Variants in SLC35D1 observed in about 807,000 individuals in gnomAD.
SLC35D1 encodes the protein nucleotide sugar transporter SLC35D1.
Under a neutral mutation model 46.7 loss-of-function variants are expected in SLC35D1, and 31 were observed. The ratio of observed to expected loss-of-function variants is 0.66; its 90% CI spans 0.50 to 0.90. The LOEUF (loss-of-function observed/expected upper bound fraction) is 0.90. SLC35D1 is among the 40% of genes least tolerant of loss of function. The pLI is 0.00. For synonymous variants in SLC35D1, 195 were observed against 164.6 expected (o/e 1.18, Z -1.41); for missense variants, 397 against 426.2 (o/e 0.93, Z 0.60).
chr1:67,047,678 T>C (rs1383734182), intron 6 of SLC35D1, among the ~76,000 whole-genome samples: 2 of 149,844 alleles, frequency 1.3e-5, no homozygotes, highest in African/African-American at 5.1e-5. Flanking sequence ...ATTAAGTACA[T>C]CTGTGAAGCA....
In SLC35D1 at chr1:67,003,105, A is replaced by G. The variant is rs1436043127; in HGVS notation, c.*1235T>C. 3 of 152,402 alleles carry G rather than the reference A, an allele frequency of 2.0e-5. No homozygotes were observed. The highest frequency in any genetic ancestry group is 7.2e-5 in the African/African-American group (3 of 41,462). 9.4% of individuals were successfully genotyped at this position (152,402 alleles called of 1,614,324 possible). The stretch of plus-strand genomic sequence containing the variant: ...GGGAAGTTTGCTCATTGCTCATGCC[A>G]TTTAAGAAGGAAGATGATAGCTCTA... On this transcript the variant is annotated 3_prime_UTR_variant, in exon 12 of 12. Coordinates refer to ENST00000235345, the MANE Select transcript of SLC35D1 (RefSeq NM_015139.3).
chr1:67,004,435 G>A lies in SLC35D1; in HGVS notation c.973C>T (p.Leu325=). 1 of 1,613,920 alleles carries A rather than the reference G, an allele frequency of 6.2e-7. No homozygotes were observed. Among genetic ancestry groups the A allele is most frequent in the Non-Finnish European group, 8.5e-7 (1 of 1,179,874 alleles). Residue 325 remains leucine, a synonymous_variant, in exon 12 of 12, where the codon CTG becomes TTG. Transcript: ENST00000235345. ...IGLNISIAGS[L]VYSYITFTEE... is the part of the protein sequence containing the mutation. ...GTGAAAGTGATATAGGAATATACCA[G>A]GCTCCCAGCAATGCTGCAAAACAGA...
intron 8 of SLC35D1, chr1:67,032,047 G>A: frequency 4.1e-6 from 4 of 985,364 alleles, no homozygotes; most frequent in Non-Finnish European, 4.8e-6. Context: ...GTGTGACACA[G>A]AACTAAACAG....
chr1:66,974,614 C>T, the SLC35D1 span, among the ~76,000 whole-genome samples: 262 of 152,140 alleles, frequency 1.7e-3, 1 homozygote, highest in African/African-American at 6.0e-3. Flanking sequence ...TGACTTGAAA[C>T]TTAGAGCCAA....
At chr1:67,023,516 C>A (rs188543336) in intron 8 of SLC35D1, among the ~76,000 whole-genome samples, 4 of 149,270 alleles carry the variant, frequency 2.7e-5, no homozygotes, top group Admixed American at 2.7e-4. Flanking sequence ...GACAGAGTCT[C>A]ACCCTGTCGC....
At chr1:67,025,894 C>T (rs1391533484) in intron 8 of SLC35D1, among the ~76,000 whole-genome samples, 1 of 152,076 alleles carries the variant, frequency 6.6e-6, no homozygotes, top group Non-Finnish European at 1.5e-5. Context: ...GCATATTGAC[C>T]TTGTACTGTA....
In SLC35D1 at chr1:67,054,075, G is replaced by C. The variant is rs1570650947; in HGVS notation, c.-62C>G. 2 of 1,545,992 alleles carry C rather than the reference G, an allele frequency of 1.3e-6. No homozygotes were observed. Among genetic ancestry groups the C allele is most frequent in the Admixed American group, 3.5e-5 (2 of 57,324 alleles). The stretch of plus-strand genomic sequence containing the variant: ...AGCGGCTCGGGGGCCTGCAGCGGCA[G>C]CTCCCAGGGGACTCCAGGAGTTGGG... On this transcript the variant is annotated 5_prime_UTR_variant, in exon 1 of 12. Coordinates refer to ENST00000235345, the MANE Select transcript of SLC35D1 (RefSeq NM_015139.3).
chr1:66,985,376 A>G, the SLC35D1 span: 11 of 984,580 alleles, frequency 1.1e-5, no homozygotes, highest in Non-Finnish European at 1.3e-5. Context: ...TTTTCTCACC[A>G]AACAGTTTGA....
At chr1:66,985,097 G>A in the SLC35D1 span, 9 of 1,251,526 alleles carry the variant, frequency 7.2e-6, no homozygotes, top group South Asian at 7.8e-5. Flanking sequence ...CTCTTTTAAG[G>A]GTATTTTAAA....
Position 67,003,359 on chromosome 1 carries a change from C to T in SLC35D1, c.*981G>A, listed in dbSNP as rs780615338. 2 of 152,336 alleles carry T rather than the reference C, an allele frequency of 1.3e-5. No individual in the cohort carries two copies. The highest frequency in any genetic ancestry group is 4.8e-5 in the African/African-American group (2 of 41,442). 9.4% of individuals were successfully genotyped at this position (152,336 alleles called of 1,614,324 possible). On this transcript the variant is annotated 3_prime_UTR_variant, in exon 12 of 12. Coordinates refer to ENST00000235345, the MANE Select transcript of SLC35D1 (RefSeq NM_015139.3). The stretch of plus-strand genomic sequence containing the variant: ...CTGGTTTACAAAACACAGCTCTTTA[C>T]TTGTACCTCATCTCACATTGCAGCA...
At chr1:67,047,668 A>G (rs1645266165) in intron 6 of SLC35D1, among the ~76,000 whole-genome samples, 1 of 151,630 alleles carries the variant, frequency 6.6e-6, no homozygotes, top group Non-Finnish European at 1.5e-5. Flanking sequence ...CCAAATTACC[A>G]TTAAGTACAT....
At chr1:66,975,487 C>T in the SLC35D1 span, among the ~76,000 whole-genome samples, 2 of 151,748 alleles carry the variant, frequency 1.3e-5, no homozygotes. Flanking sequence ...TTTGGTGCCA[C>T]TGTACTCCAG....
rs752056716 is a variant in SLC35D1 at position 67,053,912 on chromosome 1, G to A, written c.102C>T (p.Ala34=). 3 of 1,613,778 alleles carry A rather than the reference G, an allele frequency of 1.9e-6. No individual in the cohort carries two copies. In the East Asian group the frequency reaches 6.7e-5, roughly 36 times the overall value. The change falls in exon 1 of 12, where the codon GCC becomes GCT. Residue 34 remains alanine, a synonymous_variant. Transcript: ENST00000235345. ...RDEEELGMAS[A]ETLTVFLKLL... ...GCTTCAGAAACACGGTCAGCGTTTC[G>A]GCCGACGCCATCCCCAGCTCCTCCT... is the stretch of plus-strand genomic sequence containing the variant.
downstream of SLC35D1, among the ~76,000 whole-genome samples, chr1:66,998,361 T>A (rs568637436): frequency 2.6e-5 from 4 of 152,204 alleles, no homozygotes; most frequent in East Asian, 7.7e-4. Context: ...TGGTGGTGCA[T>A]GCCTGTAATC....
At chr1:66,976,831 T>A in the SLC35D1 span, 1 of 948,618 alleles carries the variant, frequency 1.1e-6, no homozygotes, top group South Asian at 2.2e-5. Context: ...ATACTTGATC[T>A]TAACCAGAAG....
At chr1:67,026,892 T>TA (rs1168320905) in intron 8 of SLC35D1, among the ~76,000 whole-genome samples, 1 of 152,096 alleles carries the variant, frequency 6.6e-6, no homozygotes, top group East Asian at 1.9e-4. Context: ...GGAAGACCCT[T>TA]ATAAAATCAT....
At position 66,999,717 on chromosome 1, in the gene SLC35D1, C is replaced by T. The variant is rs1170407246; in HGVS notation, c.*4623G>A. 6.6e-6 allele frequency: 1 copy of T among 150,886 alleles called. No homozygotes were observed. Among genetic ancestry groups the T allele is most frequent in the Non-Finnish European group, 1.5e-5 (1 of 67,734 alleles). 9.3% of individuals were successfully genotyped at this position (150,886 alleles called of 1,614,324 possible). A position where few individuals can be genotyped will look rare whatever the true frequency, so the allele number is the denominator to read the frequency against. Reference sequence around the variant, plus strand: ...AAAAAAAAAACTACAACACTGTAAACTATATCCTCATGCCATGAAGCAGCA... The same window carrying T: ...AAAAAAAAAACTACAACACTGTAAATTATATCCTCATGCCATGAAGCAGCA... On this transcript the variant is annotated 3_prime_UTR_variant, in exon 12 of 12. Transcript: ENST00000235345.
chr1:66,983,632 AT>A, the SLC35D1 span, among the ~76,000 whole-genome samples: 11,161 of 152,294 alleles, frequency 0.073, 502 homozygotes, highest in African/African-American at 0.12. Context: ...TAAGTAAATA[AT>A]TTAGCACTTT....
the SLC35D1 span, chr1:66,976,748 T>C: frequency 1.3e-6 from 2 of 1,511,370 alleles, no homozygotes; most frequent in Non-Finnish European, 8.9e-7. Context: ...CCTTAAGAGC[T>C]ATATATACAT....
Sources: allele counts gnomAD v4.1 joint callset (sites outside exome capture counted in the v4.1 genomes callset), GRCh38; gene constraint gnomAD v4.1.1; transcripts MANE v1.5; gene names NCBI Gene and HGNC (gene_info 2026-07-23, HGNC 2026-07-21).